The following DOK6 variants were observed in gnomAD, a reference collection of about 807,000 sequenced individuals.
The protein encoded by DOK6 is downstream of tyrosine kinase 6.
In DOK6, 22 loss-of-function variants were observed where a neutral mutation model predicts 44.0. The observed-to-expected ratio is 0.50, with a 90% CI of 0.36 to 0.71. The LOEUF (loss-of-function observed/expected upper bound fraction) is 0.71. Among genes scored for constraint, DOK6 ranks in the 30% least tolerant of loss-of-function variants. The pLI is 0.00. For synonymous variants in DOK6, 166 were observed against 145.5 expected (o/e 1.14, Z -1.01); for missense variants, 340 against 416.4 (o/e 0.82, Z 1.60).
chr18:69,413,917 C>A (rs749985479), intron 1 of DOK6, among the ~76,000 whole-genome samples: 12 of 151,578 alleles, frequency 7.9e-5, no homozygotes, highest in Admixed American at 6.6e-4. Context: ...ATAATTCAAC[C>A]AGAAGACAGG....
chr18:69,702,111 G>A (rs1237519544), intron 5 of DOK6, among the ~76,000 whole-genome samples: 1 of 146,070 alleles, frequency 6.8e-6, no homozygotes, highest in Non-Finnish European at 1.5e-5. Flanking sequence ...CTAACCCAGA[G>A]TTATCAATGC....
intron 3 of DOK6, among the ~76,000 whole-genome samples, chr18:69,655,120 G>T (rs867636791): frequency 6.6e-6 from 1 of 152,122 alleles, no homozygotes; most frequent in African/African-American, 2.4e-5. Flanking sequence ...ACCTTCTGAA[G>T]ATGAGCTTAC....
intron 3 of DOK6, among the ~76,000 whole-genome samples, chr18:69,666,673 A>G (rs1376026510): frequency 1.3e-5 from 2 of 152,170 alleles, no homozygotes; most frequent in Admixed American, 1.3e-4. Flanking sequence ...AAACATGTTC[A>G]TTGAATGGAA....
chr18:69,409,631 T>G (rs879532422), intron 1 of DOK6, among the ~76,000 whole-genome samples: 9 of 152,204 alleles, frequency 5.9e-5, no homozygotes, highest in Admixed American at 2.6e-4. Flanking sequence ...TTTAATTCTA[T>G]AAACCATTTT....
At chr18:69,527,492 A>G (rs1294330380) in intron 1 of DOK6, among the ~76,000 whole-genome samples, 1 of 152,232 alleles carries the variant, frequency 6.6e-6, no homozygotes, top group African/African-American at 2.4e-5. Flanking sequence ...TCATCAGAAC[A>G]GCATGGTGGT....
chr18:69,516,149 C>T (rs377548273), intron 1 of DOK6, among the ~76,000 whole-genome samples: 82 of 152,220 alleles, frequency 5.4e-4, no homozygotes, highest in African/African-American at 2.0e-3. Flanking sequence ...TGGTGGAGTG[C>T]GTATAATGGC....
chr18:69,790,573 G>A (rs1980564926), intron 7 of DOK6, among the ~76,000 whole-genome samples: 1 of 152,012 alleles, frequency 6.6e-6, no homozygotes, highest in South Asian at 2.1e-4. Context: ...TTAAGATCTT[G>A]GTTTTCTATA....
chr18:69,579,245 G>A (rs925823152), intron 2 of DOK6, among the ~76,000 whole-genome samples: 5 of 152,140 alleles, frequency 3.3e-5, no homozygotes, highest in African/African-American at 1.2e-4. Flanking sequence ...GACTTATTTG[G>A]AAGTGGAGAG....
At chr18:69,752,022 TACTTA>T (rs1428048769) in intron 6 of DOK6, among the ~76,000 whole-genome samples, 3 of 151,456 alleles carry the variant, frequency 2.0e-5, no homozygotes, top group Non-Finnish European at 4.4e-5. Flanking sequence ...TTTTAATTAA[TACTTA>T]ACTTGAGAAG....
intron 7 of DOK6, among the ~76,000 whole-genome samples, chr18:69,829,247 C>G (rs1280004194): frequency 2.0e-5 from 2 of 100,388 alleles, no homozygotes; most frequent in African/African-American, 5.6e-5. Flanking sequence ...GACTTTGGTT[C>G]CTTAATTAAA....
chr18:69,564,610 G>T lies in DOK6; in HGVS notation c.174+16G>T, dbSNP rs1274045499. On this transcript the variant is annotated intron_variant, in intron 2 of 7. Coordinates refer to ENST00000382713, the MANE Select transcript of DOK6 (RefSeq NM_152721.6). ...CTTTCATAAGGTAAGTCACAGTCCT[G>T]GGAGTCCCTGGGGAATAACTGGGCC... 3 of 1,592,364 alleles carry T rather than the reference G, an allele frequency of 1.9e-6. No homozygotes were observed. The highest frequency in any genetic ancestry group is 2.6e-6 in the Non-Finnish European group (3 of 1,165,800).
At chr18:69,501,869 C>CA (rs1981058366) in intron 1 of DOK6, among the ~76,000 whole-genome samples, 1 of 151,790 alleles carries the variant, frequency 6.6e-6, no homozygotes, top group African/African-American at 2.4e-5. Context: ...TTAATAAATG[C>CA]AAAAAATACA....
intron 4 of DOK6, among the ~76,000 whole-genome samples, chr18:69,682,900 G>A (rs941834914): frequency 1.3e-5 from 2 of 152,094 alleles, no homozygotes; most frequent in Admixed American, 6.6e-5. Flanking sequence ...AATCAGGCAA[G>A]TCTGAAACTC....
chr18:69,450,741 GT>G (rs1366452663), intron 1 of DOK6, among the ~76,000 whole-genome samples: 37 of 148,600 alleles, frequency 2.5e-4, no homozygotes, highest in Admixed American at 2.4e-3. Flanking sequence ...CCAGAAGAGA[GT>G]GGGGGCCAAT....
intron 1 of DOK6, among the ~76,000 whole-genome samples, chr18:69,543,552 T>C (rs1174733424): frequency 6.6e-6 from 1 of 151,598 alleles, no homozygotes; most frequent in Non-Finnish European, 1.5e-5. Flanking sequence ...TTTTCCTTGG[T>C]GGTGTAAGTT....
chr18:69,605,811 C>T (rs894405746), intron 3 of DOK6, among the ~76,000 whole-genome samples: 6 of 152,116 alleles, frequency 3.9e-5, no homozygotes, highest in Admixed American at 6.5e-5. Flanking sequence ...ATGCTTTCTC[C>T]ATAGACTGGG....
intron 1 of DOK6, among the ~76,000 whole-genome samples, chr18:69,494,938 C>G (rs866450789): frequency 6.6e-6 from 1 of 152,216 alleles, no homozygotes; most frequent in Admixed American, 6.5e-5. Context: ...CTCTACTCGG[C>G]TCACACTACT....
chr18:69,583,909 C>T lies in DOK6; in HGVS notation c.175-15475C>T, dbSNP rs530744164. 9.2e-5 allele frequency among the ~76,000 whole-genome samples: 14 copies of T among 152,160 alleles called. 1 individual carries two copies. In the South Asian group the frequency reaches 2.9e-3, roughly 32 times the overall value. ...GGATCATGAAGTCAGGAGATCGAGA[C>T]CATCCTGGCTAACACGGTGAAACCC... On this transcript the variant is annotated intron_variant, in intron 2 of 7. Coordinates refer to ENST00000382713, the MANE Select transcript of DOK6 (RefSeq NM_152721.6).
At chr18:69,812,223 C>G (rs1251946152) in intron 7 of DOK6, among the ~76,000 whole-genome samples, 1 of 152,024 alleles carries the variant, frequency 6.6e-6, no homozygotes, top group Non-Finnish European at 1.5e-5. Context: ...GTTTGTTGTT[C>G]CAGAGTTACA....
Sources: allele counts gnomAD v4.1 joint callset (sites outside exome capture counted in the v4.1 genomes callset), GRCh38; gene constraint gnomAD v4.1.1; transcripts MANE v1.5; gene names NCBI Gene and HGNC (gene_info 2026-07-23, HGNC 2026-07-21).